The following FANCD2 variants were observed in gnomAD, a reference collection of about 807,000 sequenced individuals.
FANCD2 encodes Fanconi anemia group D2 protein.
A neutral mutation model predicts 192.3 loss-of-function variants in FANCD2; 131 were observed. The observed-to-expected ratio is 0.68, with a 90% CI of 0.59 to 0.79. FANCD2 has a LOEUF of 0.79. Among genes scored for constraint, FANCD2 ranks in the 30% least tolerant of loss-of-function variants. The pLI is 0.00. For synonymous variants in FANCD2, 524 were observed against 612.5 expected (o/e 0.86, Z 2.13); for missense variants, 1,508 against 1,701.6 (o/e 0.89, Z 2.00).
chr3:10,068,388 CAAATA>C (rs1052560990), intron 26 of FANCD2, among the ~76,000 whole-genome samples: 1 of 151,460 alleles, frequency 6.6e-6, no homozygotes, highest in Non-Finnish European at 1.5e-5. Context: ...ACAATAGCTA[CAAATA>C]AAATAAACAA....
intron 15 of FANCD2, 55 bp downstream of exon 15, chr3:10,046,778 C>T (rs2087028107): frequency 7.6e-7 from 1 of 1,323,694 alleles, no homozygotes. Flanking sequence ...TTACAGCTCT[C>T]ATGTAAAATT....
chr3:10,037,364 G>A (rs974897778), intron 7 of FANCD2, among the ~76,000 whole-genome samples: 2 of 152,162 alleles, frequency 1.3e-5, no homozygotes, highest in Admixed American at 1.3e-4. Context: ...TCCTTGTTGA[G>A]TGTAGTGAAT....
Position 10,099,002 on chromosome 3 carries a change from T to C in FANCD2, c.4281+187T>C, listed in dbSNP as rs1407330440. 5 of 1,613,652 alleles carry C rather than the reference T, an allele frequency of 3.1e-6. No individual in the cohort carries two copies. In the South Asian group the frequency reaches 4.4e-5, roughly 14 times the overall value. Reference sequence around the variant, plus strand: ...GGACCCAGAAGAAACAACGACACAATCTTAGAATCACTCCTGAGTATCTCG... The same window carrying C: ...GGACCCAGAAGAAACAACGACACAACCTTAGAATCACTCCTGAGTATCTCG... On this transcript the variant is annotated intron_variant, in intron 43 of 43. Transcript: ENST00000675286.
chr3:10,054,473 ATTTTTTTTTTTT>A (rs55719769), intron 18 of FANCD2, among the ~76,000 whole-genome samples: 1 of 8,408 alleles, frequency 1.2e-4, no homozygotes, highest in African/African-American at 6.9e-4. Context: ...ATATATATAT[ATTTTTTTTTTTT>A]TTTTTTTTTT....
In FANCD2 at chr3:10,028,626, A is replaced by G. The variant is rs1302039429; in HGVS notation, c.-32A>G. 10 of 1,596,046 alleles carry G rather than the reference A, an allele frequency of 6.3e-6. No individual in the cohort carries two copies. Among genetic ancestry groups the G allele is most frequent in the Non-Finnish European group, 8.6e-6 (10 of 1,163,798 alleles). ...TTCTGTTTCCCGATTTTGCTCTAGGAAGTAATTTAAGTGCACAAGACATTG... is the reference window on the plus strand; with the variant it reads ...TTCTGTTTCCCGATTTTGCTCTAGGGAGTAATTTAAGTGCACAAGACATTG... On this transcript the variant is annotated splice_region_variant and 5_prime_UTR_variant, in exon 2 of 44. Transcript: ENST00000675286.
chr3:10,059,540 C>A (rs1394276347), intron 18 of FANCD2, among the ~76,000 whole-genome samples: 1 of 152,190 alleles, frequency 6.6e-6, no homozygotes, highest in East Asian at 1.9e-4. Context: ...CACGTAATCA[C>A]CCCTGTAATC....
intron 15 of FANCD2, 95 bp from the exon 16 acceptor site, chr3:10,047,822 A>G: frequency 6.9e-7 from 1 of 1,447,262 alleles, no homozygotes; most frequent in East Asian, 2.3e-5. Flanking sequence ...GCTAGGGAGG[A>G]GAAGTCTGAC....
intron 2 of FANCD2, 117 bp downstream of exon 2, chr3:10,028,838 C>T: frequency 2.2e-6 from 2 of 917,422 alleles, no homozygotes; most frequent in East Asian, 2.6e-5. Flanking sequence ...GAATGGAGTG[C>T]ACAGAATTAA....
At chr3:10,036,205 C>T (rs1482844068) in intron 6 of FANCD2, 82 bp from the exon 7 acceptor site, 2 of 1,197,156 alleles carry the variant, frequency 1.7e-6, no homozygotes, top group Middle Eastern at 2.0e-4. Flanking sequence ...TCTCGTGCCT[C>T]AGCCTCCCAA....
rs769831892 is a variant in FANCD2, at chr3:10,046,682, C to G, written c.1237C>G (p.Gln413Glu). ...LRNKIRSGCIQEQLLQSTFSV... is the reference protein window; with the variant it reads ...LRNKIRSGCIEEQLLQSTFSV... ...AAATAAGATTCGATCAGGCTGCATT[C>G]AAGAACAGCTGCTCCAGAGTACATT... is the stretch of plus-strand genomic sequence containing the variant. The change falls in exon 15 of 44, where the codon CAA becomes GAA. Residue 413 changes from glutamine (Q) to glutamate (E), a missense_variant. Physicochemically the swap from Gln to Glu is conservative, Grantham distance 29. Transcript: ENST00000675286. 2 of 1,614,132 alleles carry G rather than the reference C, an allele frequency of 1.2e-6. No homozygotes were observed. Among genetic ancestry groups the G allele is most frequent in the Admixed American group, 1.7e-5 (1 of 60,038 alleles).
chr3:10,099,234 C>G, intron 43 of FANCD2: 1 of 1,334,014 alleles, frequency 7.5e-7, no homozygotes. Flanking sequence ...AGCACAGAGT[C>G]AGAAGCTGCC....
intron 18 of FANCD2, among the ~76,000 whole-genome samples, chr3:10,052,829 T>C (rs1452027673): frequency 3.4e-5 from 5 of 148,986 alleles, no homozygotes; most frequent in Middle Eastern, 3.4e-3. Context: ...CACAATGAGA[T>C]ACCATCTCAC....
intron 36 of FANCD2, among the ~76,000 whole-genome samples, chr3:10,089,906 A>T (rs1694480865): frequency 6.6e-6 from 1 of 152,114 alleles, no homozygotes; most frequent in African/African-American, 2.4e-5. Flanking sequence ...ATCTCATTTG[A>T]TCCTTTTGAT....
In FANCD2 at chr3:10,087,280, C is replaced by CT; in HGVS notation, c.3466+16_3466+17insT. The CT allele has an allele frequency of 7.9e-7, 1 of 1,272,492 alleles. No individual in the cohort carries two copies. The highest frequency in any genetic ancestry group is 2.2e-5 in the Admixed American group (1 of 44,522). The allele number at this position is 1,272,492 out of a possible 1,614,324, so 78.8% of individuals were successfully genotyped here. ...GAAAAAATTGGTGATGGGCCTAGAT[C>CT]CTTTTTTTTTTTTTTTTTTTAATGA... On this transcript the variant is annotated intron_variant, in intron 34 of 43. Coordinates refer to ENST00000675286, the MANE Select transcript of FANCD2 (RefSeq NM_001018115.3).
intron 30 of FANCD2, among the ~76,000 whole-genome samples, chr3:10,079,186 G>A (rs549605161): frequency 6.1e-4 from 92 of 151,906 alleles, no homozygotes; most frequent in African/African-American, 2.0e-3. Flanking sequence ...AGACGCTGCA[G>A]TGAACCAAGA....
intron 40 of FANCD2, 42 bp downstream of exon 40, chr3:10,094,405 T>C (rs983384697): frequency 6.5e-7 from 1 of 1,534,778 alleles, no homozygotes; most frequent in East Asian, 2.2e-5. Context: ...CACTGAAGAG[T>C]TGCTCAGAAG....
At chr3:10,083,507 G>A (rs1490598330) in intron 32 of FANCD2, 1 of 152,132 alleles carries the variant, frequency 6.6e-6, no homozygotes, top group Non-Finnish European at 1.5e-5. Context: ...TTGGGAAATA[G>A]TTTGGTAGTT....
intron 22 of FANCD2, 106 bp downstream of exon 22, chr3:10,064,535 C>G: frequency 1.5e-6 from 2 of 1,294,582 alleles, no homozygotes; most frequent in Non-Finnish European, 2.3e-6. Flanking sequence ...CCACAGCTGC[C>G]CAGTCCCACA....
At chr3:10,041,918 A>G (rs2086874396) in intron 10 of FANCD2, among the ~76,000 whole-genome samples, 2 of 126,848 alleles carry the variant, frequency 1.6e-5, no homozygotes, top group South Asian at 2.3e-4. Context: ...TTTTTTTTTG[A>G]GACGGAGTAT....
Sources: gnomAD v4.1 joint callset for allele counts (sites outside exome capture counted in the v4.1 genomes callset) on GRCh38, gnomAD v4.1.1 for gene constraint, MANE v1.5 for transcripts, NCBI Gene and HGNC (gene_info 2026-07-23, HGNC 2026-07-21) for gene names.